DST: variants seen among roughly 807,000 people sequenced by gnomAD.
DST encodes dystonin, also known as bullous pemphigoid antigen.
DST carries 253 observed loss-of-function variants against 875.2 expected under a neutral mutation model. The ratio of observed to expected loss-of-function variants is 0.29; its 90% CI spans 0.26 to 0.32. The LOEUF is 0.32. Among genes scored for constraint, DST ranks in the 10% least tolerant of loss-of-function variants. DST has a pLI of 1.00. For missense variants in DST, 8,287 were observed against 9,111.6 expected (o/e 0.91, Z 3.68); for synonymous variants, 3,124 against 3,197.1 (o/e 0.98, Z 0.77).
rs2098651873 is a variant in DST, at chr6:56,618,457, T to C, written c.4930-3973A>G. 9.9e-6 allele frequency: 16 copies of C among 1,614,210 alleles called. No homozygotes were observed. Among genetic ancestry groups the C allele is most frequent in the Non-Finnish European group, 1.4e-5 (16 of 1,180,034 alleles). ...GAATTTCACACTGGAGCAAAACTAATTGATGTTCATGCTCTTTGATCTGTT... is the reference window on the plus strand; with the variant it reads ...GAATTTCACACTGGAGCAAAACTAACTGATGTTCATGCTCTTTGATCTGTT... On this transcript the variant is annotated intron_variant, in intron 36 of 103. Transcript: ENST00000680361.
chr6:56,942,829 G>A (rs920486937), intron 2 of DST, among the ~76,000 whole-genome samples: 4 of 148,644 alleles, frequency 2.7e-5, no homozygotes, highest in African/African-American at 9.9e-5. Context: ...GCAGTCAGCC[G>A]CCTCAGCCTC....
chr6:56,795,340 T>C (rs914831018), intron 4 of DST, among the ~76,000 whole-genome samples: 2 of 151,476 alleles, frequency 1.3e-5, no homozygotes, highest in Non-Finnish European at 1.5e-5. Context: ...TTACAGAAAA[T>C]CAGAGAGACA....
At chr6:56,947,335 C>T (rs752562142) in intron 2 of DST, among the ~76,000 whole-genome samples, 10 of 151,000 alleles carry the variant, frequency 6.6e-5, no homozygotes, top group Non-Finnish European at 1.3e-4. Flanking sequence ...ACTGCAACCT[C>T]CACCTCCCAG....
At chr6:56,567,934 C>T (rs2097709565) in intron 55 of DST, among the ~76,000 whole-genome samples, 1 of 152,134 alleles carries the variant, frequency 6.6e-6, no homozygotes, top group Non-Finnish European at 1.5e-5. Context: ...GTGGCTCAAC[C>T]ATGACTTAGA....
At chr6:56,864,697 G>A (rs1372464465) in intron 3 of DST, among the ~76,000 whole-genome samples, 1 of 151,996 alleles carries the variant, frequency 6.6e-6, no homozygotes, top group Non-Finnish European at 1.5e-5. Flanking sequence ...CCTGTAATAT[G>A]ATGCCTGCTC....
intron 69 of DST, 32 bp from the exon 70 acceptor site, chr6:56,517,652 G>T (rs201658847): frequency 2.5e-6 from 4 of 1,588,842 alleles, no homozygotes; most frequent in Non-Finnish European, 3.4e-6. Context: ...AGGTCAGCAC[G>T]TTCCCGTTCC....
At chr6:56,865,766 T>C (rs932704470) in intron 3 of DST, among the ~76,000 whole-genome samples, 1 of 152,170 alleles carries the variant, frequency 6.6e-6, no homozygotes, top group Non-Finnish European at 1.5e-5. Context: ...ATATAATCTT[T>C]GATGGGATCT....
chr6:56,846,131 T>A (rs35242294), intron 4 of DST, among the ~76,000 whole-genome samples: 18,433 of 152,244 alleles, frequency 0.12, 1,561 homozygotes, highest in Non-Finnish European at 0.18. Context: ...TTGGGAGGTC[T>A]AAATAGGATA....
chr6:56,616,995 C>G, intron 36 of DST: 1 of 1,609,674 alleles, frequency 6.2e-7, no homozygotes, highest in East Asian at 2.2e-5. Context: ...ATGATTCTCT[C>G]GGCCGCTGAG....
intron 10 of DST, among the ~76,000 whole-genome samples, chr6:56,661,460 G>A (rs993506963): frequency 6.6e-6 from 1 of 152,092 alleles, no homozygotes; most frequent in African/African-American, 2.4e-5. Context: ...AAGCTTTACA[G>A]CCCTATTGTT....
At chr6:56,824,150 A>G (rs990447066) in intron 4 of DST, among the ~76,000 whole-genome samples, 2 of 151,530 alleles carry the variant, frequency 1.3e-5, no homozygotes, top group African/African-American at 2.4e-5. Flanking sequence ...CTGCGATTGC[A>G]GGCGCGCGCC....
intron 9 of DST, among the ~76,000 whole-genome samples, chr6:56,688,231 G>T (rs1302595982): frequency 6.6e-6 from 1 of 152,200 alleles, no homozygotes; most frequent in African/African-American, 2.4e-5. Flanking sequence ...AGCAAGAAAT[G>T]AGTTAGTCAA....
At chr6:56,620,539 C>T (rs1407744613) in intron 36 of DST, 5 of 1,613,864 alleles carry the variant, frequency 3.1e-6, no homozygotes, top group Middle Eastern at 1.6e-4. Context: ...CTGCAGCCTC[C>T]CTGACCTTCG....
chr6:56,581,979 C>CT (rs201781699), intron 49 of DST, among the ~76,000 whole-genome samples: 36 of 151,612 alleles, frequency 2.4e-4, no homozygotes, highest in Non-Finnish European at 3.8e-4. Context: ...CCATTTAAAG[C>CT]TTTTTTTTTC....
At chr6:56,677,048 G>GT (rs1203343074) in intron 9 of DST, among the ~76,000 whole-genome samples, 4 of 152,120 alleles carry the variant, frequency 2.6e-5, no homozygotes, top group Non-Finnish European at 2.9e-5. Context: ...CCTGAAAAAT[G>GT]TAAGTACTGA....
intron 2 of DST, among the ~76,000 whole-genome samples, chr6:56,904,549 C>T (rs1795513199): frequency 6.6e-6 from 1 of 152,146 alleles, no homozygotes; most frequent in Non-Finnish European, 1.5e-5. Context: ...ATTACTGCTT[C>T]ACTTCCTGGA....
At chr6:56,617,356 G>C in intron 36 of DST, 1 of 1,613,874 alleles carries the variant, frequency 6.2e-7, no homozygotes, top group South Asian at 1.1e-5. Flanking sequence ...TGGGAACTGG[G>C]TTCTTTTCTT....
intron 2 of DST, among the ~76,000 whole-genome samples, chr6:56,904,794 T>TA (rs1365461365): frequency 6.6e-6 from 1 of 152,164 alleles, no homozygotes; most frequent in East Asian, 1.9e-4. Flanking sequence ...TAATAAGAGT[T>TA]ACTCTTTTTC....
intron 5 of DST, among the ~76,000 whole-genome samples, chr6:56,712,090 CAAAA>C (rs34769867): frequency 1.3e-5 from 1 of 76,546 alleles, no homozygotes. Flanking sequence ...GACTCCGTCT[CAAAA>C]AAAAAAAAAA....
Sources: allele counts gnomAD v4.1 joint callset (sites outside exome capture counted in the v4.1 genomes callset), GRCh38; gene constraint gnomAD v4.1.1; transcripts MANE v1.5; gene names NCBI Gene and HGNC (gene_info 2026-07-23, HGNC 2026-07-21).